Variants in FLVCR1 observed in about 807,000 individuals in gnomAD.
FLVCR1 encodes choline/ethanolamine transporter FLVCR1.
FLVCR1 carries 34 observed loss-of-function variants against 53.6 expected under a neutral mutation model. The ratio of observed to expected loss-of-function variants is 0.63; its 90% CI spans 0.48 to 0.84. FLVCR1 has a LOEUF of 0.84. Ranked by LOEUF, FLVCR1 falls within the 40% of genes least tolerant of loss-of-function variation. FLVCR1 has a pLI of 0.00. For synonymous variants in FLVCR1, 300 were observed against 286.3 expected (o/e 1.05, Z -0.48); for missense variants, 677 against 696.7 (o/e 0.97, Z 0.32).
rs752628417 is a variant in FLVCR1 at position 212,858,806 on chromosome 1, G to T, written c.354G>T (p.Ser118=). The change falls in exon 1 of 10, where the codon TCG becomes TCT. Residue 118 remains serine, a synonymous_variant. Transcript: ENST00000366971. ...FVVLLIFSLY[S]LVNAFQWIQY... is the part of the protein sequence containing the mutation. ...TGCTCCTGATCTTCAGCCTGTACTC[G>T]CTGGTCAACGCCTTTCAGTGGATCC... The T allele has an allele frequency of 1.1e-5, 17 of 1,614,204 alleles. No individual in the cohort carries two copies. In the South Asian group the frequency reaches 1.9e-4, roughly 18 times the overall value.
In FLVCR1 at chr1:212,859,037, G is replaced by A; in HGVS notation, c.585G>A (p.Val195=). 1 of 1,612,694 alleles carries A rather than the reference G, an allele frequency of 6.2e-7. No homozygotes were observed. The stretch of plus-strand genomic sequence containing the variant: ...GTGCCTGGATCAAGTGCGGCAGTGT[G>A]CAGCAGCATCTCTTCTGGGTCACCA... The part of the protein sequence containing the change: ...CLGAWIKCGS[V]QQHLFWVTML... Residue 195 remains valine, a synonymous_variant, in exon 1 of 10, where the codon GTG becomes GTA. Transcript: ENST00000366971.
intron 2 of FLVCR1, among the ~76,000 whole-genome samples, chr1:212,866,416 C>T (rs1028556688): frequency 2.6e-5 from 4 of 151,996 alleles, no homozygotes; most frequent in African/African-American, 7.2e-5. Context: ...CCACTGCACC[C>T]GGCCAAAATT....
intron 2 of FLVCR1, among the ~76,000 whole-genome samples, chr1:212,866,974 T>C (rs1181983183): frequency 6.6e-6 from 1 of 152,266 alleles, no homozygotes; most frequent in African/African-American, 2.4e-5. Flanking sequence ...GAGCAAACTT[T>C]GGATTACTTA....
chr1:212,885,264 G>A (rs766318380), intron 4 of FLVCR1, 29 bp from the exon 5 acceptor site: 3 of 1,467,914 alleles, frequency 2.0e-6, no homozygotes, highest in Non-Finnish European at 2.9e-6. Flanking sequence ...CCATTTATTT[G>A]ATCAACTTCT....
At chr1:212,868,534 C>G (rs901381012) in intron 2 of FLVCR1, among the ~76,000 whole-genome samples, 1 of 152,216 alleles carries the variant, frequency 6.6e-6, no homozygotes, top group African/African-American at 2.4e-5. Context: ...CTCAGCCTCC[C>G]GAGTAGCTGG....
chr1:212,892,277 C>G (rs1445726337), intron 8 of FLVCR1, among the ~76,000 whole-genome samples: 2 of 152,204 alleles, frequency 1.3e-5, no homozygotes, highest in Non-Finnish European at 2.9e-5. Flanking sequence ...CTAGGACTGC[C>G]ATAGCTAGAG....
Position 212,858,938 on chromosome 1 carries a change from C to G in FLVCR1, c.486C>G (p.Phe162Leu). ...TGCTGGCCTACGTGCCCCTCATCTTCCCGGCCACCTGGCTGCTGGACACCA... is the reference window on the plus strand; with the variant it reads ...TGCTGGCCTACGTGCCCCTCATCTTGCCGGCCACCTGGCTGCTGGACACCA... The part of the protein sequence containing the change: ...VYMLAYVPLI[F>L]PATWLLDTRG... Residue 162 changes from phenylalanine (F) to leucine (L), a missense_variant, in exon 1 of 10, where the codon TTC (phenylalanine) becomes TTG (leucine). Physicochemically the swap from Phe to Leu is conservative, Grantham distance 22. Coordinates refer to ENST00000366971, the MANE Select transcript of FLVCR1 (RefSeq NM_014053.4). The G allele has an allele frequency of 6.2e-7, 1 of 1,614,242 alleles. No individual in the cohort carries two copies. The highest frequency in any genetic ancestry group is 8.5e-7 in the Non-Finnish European group (1 of 1,180,050).
In FLVCR1 at chr1:212,883,456, TC is replaced by T; in HGVS notation, c.1092+19del. ...ATTATGAGGTAAGCTTCTGCTTATA[TC>T]AGATTGCATGCCTGGCCAAAAATTT... On this transcript the variant is annotated intron_variant, in intron 4 of 9. Transcript: ENST00000366971. The T allele has an allele frequency of 6.8e-7, 1 of 1,465,924 alleles. No homozygotes were observed. 90.8% of individuals were successfully genotyped at this position (1,465,924 alleles called of 1,614,324 possible).
At chr1:212,864,238 C>T (rs1281841834) in intron 2 of FLVCR1, among the ~76,000 whole-genome samples, 2 of 152,178 alleles carry the variant, frequency 1.3e-5, no homozygotes, top group Non-Finnish European at 2.9e-5. Flanking sequence ...TGAAGTGATG[C>T]ACGTAGGCTA....
intron 3 of FLVCR1, among the ~76,000 whole-genome samples, chr1:212,879,481 T>C (rs1225725327): frequency 6.6e-6 from 1 of 152,166 alleles, no homozygotes; most frequent in Admixed American, 6.6e-5. Context: ...TTCGGGATCA[T>C]ATATGCAGTG....
chr1:212,881,006 A>T (rs1386569650), intron 3 of FLVCR1, among the ~76,000 whole-genome samples: 1 of 152,150 alleles, frequency 6.6e-6, no homozygotes, highest in East Asian at 1.9e-4. Context: ...CTTATATTTA[A>T]AGTCATGTTG....
In FLVCR1 at chr1:212,858,323, C is replaced by A; in HGVS notation, c.-130C>A. ...AGCGCGGATTGCGGTTCGCGGCGCG[C>A]GCCACCGGGGAAGGAGCGGTGGGCC... is the stretch of plus-strand genomic sequence containing the variant. On this transcript the variant is annotated 5_prime_UTR_variant, in exon 1 of 10. Coordinates refer to ENST00000366971, the MANE Select transcript of FLVCR1 (RefSeq NM_014053.4). The A allele has an allele frequency of 1.1e-6, 1 of 936,298 alleles. No homozygotes were observed. The highest frequency in any genetic ancestry group is 1.5e-6 in the Non-Finnish European group (1 of 661,208). The allele number at this position is 936,298 out of a possible 1,614,324, so 58.0% of individuals were successfully genotyped here.
chr1:212,881,791 T>C (rs1664937965), intron 3 of FLVCR1, among the ~76,000 whole-genome samples: 1 of 152,216 alleles, frequency 6.6e-6, no homozygotes, highest in African/African-American at 2.4e-5. Flanking sequence ...ATGAGAAAAT[T>C]GTCTGCAATG....
intron 8 of FLVCR1, among the ~76,000 whole-genome samples, chr1:212,890,218 T>C (rs1274674734): frequency 6.6e-6 from 1 of 152,226 alleles, no homozygotes; most frequent in African/African-American, 2.4e-5. Flanking sequence ...GAAGCAGAAC[T>C]TTTTCCAGGT....
At chr1:212,885,248 G>A (rs373132830) in intron 4 of FLVCR1, 45 bp from the exon 5 acceptor site, 35 of 1,286,188 alleles carry the variant, frequency 2.7e-5, no homozygotes, top group African/African-American at 4.4e-5. Flanking sequence ...GTCTGAATTA[G>A]TTAATCCATT....
chr1:212,861,017 G>T (rs1664224742), intron 1 of FLVCR1, among the ~76,000 whole-genome samples: 1 of 152,248 alleles, frequency 6.6e-6, no homozygotes, highest in African/African-American at 2.4e-5. Context: ...CATCCAGCGT[G>T]GTCTTTTACA....
At chr1:212,892,669 G>C (rs907060703) in intron 8 of FLVCR1, among the ~76,000 whole-genome samples, 19 of 152,184 alleles carry the variant, frequency 1.2e-4, no homozygotes, top group African/African-American at 4.6e-4. Flanking sequence ...CCCTTCTGCA[G>C]CCCGTGGATC....
At chr1:212,878,519 G>C (rs1664830618) in intron 3 of FLVCR1, among the ~76,000 whole-genome samples, 1 of 119,290 alleles carries the variant, frequency 8.4e-6, no homozygotes, top group African/African-American at 3.0e-5. Flanking sequence ...GGGCGACAGA[G>C]TGAGTCTCCG....
chr1:212,877,792 ATAT>A (rs1664802387), intron 3 of FLVCR1, among the ~76,000 whole-genome samples: 1 of 151,754 alleles, frequency 6.6e-6, no homozygotes, highest in Non-Finnish European at 1.5e-5. Context: ...CCTATAGCAA[ATAT>A]TATACTAAAG....
Sources: gnomAD v4.1 joint callset for allele counts (sites outside exome capture counted in the v4.1 genomes callset) on GRCh38, gnomAD v4.1.1 for gene constraint, MANE v1.5 for transcripts, NCBI Gene and HGNC (gene_info 2026-07-23, HGNC 2026-07-21) for gene names.